Variants in TNIK observed in about 807,000 individuals in gnomAD.
The protein encoded by TNIK is TRAF2 and NCK interacting kinase.
Under a neutral mutation model 191.3 loss-of-function variants are expected in TNIK, and 49 were observed. The observed-to-expected ratio is 0.26, with a 90% confidence interval of 0.20 to 0.32. The LOEUF (loss-of-function observed/expected upper bound fraction) is 0.32, where lower values mean the gene tolerates loss of function less well. Among genes scored for constraint, TNIK ranks in the 10% least tolerant of loss-of-function variants. The probability of loss-of-function intolerance (pLI) is 1.00; values close to 1 mark genes in which losing one functional copy is unlikely to be tolerated. For missense variants in TNIK, 1,155 were observed against 1,702.3 expected, an observed-to-expected ratio of 0.68 and a Z score of 5.66; for synonymous variants, 594 against 600.9, an observed-to-expected ratio of 0.99 and a Z score of 0.17.
At chr3:171,330,850 G>C (rs901269680) in intron 2 of TNIK, among the ~76,000 whole-genome samples, 1 of 151,990 alleles carries the variant, frequency 6.6e-6, no homozygotes, top group African/African-American at 2.4e-5. Context: ...CTACGACCCC[G>C]AATTAAAACA....
At chr3:171,323,321 G>T (rs114975782) in intron 2 of TNIK, among the ~76,000 whole-genome samples, 7 of 152,266 alleles carry the variant, frequency 4.6e-5, no homozygotes, top group Admixed American at 2.6e-4. Context: ...AGTAGAAAAT[G>T]GTCCCTTCAC....
At chr3:171,275,533 T>C (rs188318298) in intron 2 of TNIK, among the ~76,000 whole-genome samples, 46 of 152,254 alleles carry the variant, frequency 3.0e-4, no homozygotes, top group African/African-American at 1.0e-3. Context: ...TAAAATTAAA[T>C]AGAAGGATGA....
intron 4 of TNIK, among the ~76,000 whole-genome samples, chr3:171,199,429 C>T (rs1022314291): frequency 6.6e-6 from 1 of 152,188 alleles, no homozygotes; most frequent in Admixed American, 6.5e-5. Flanking sequence ...AAAATTCTCC[C>T]TGAAAGAAAG....
At chr3:171,118,467 G>GCTCA in intron 18 of TNIK, among the ~76,000 whole-genome samples, 1 of 152,256 alleles carries the variant, frequency 6.6e-6, no homozygotes, top group African/African-American at 2.4e-5. Flanking sequence ...CCAAAAAAGA[G>GCTCA]CTCACATTGC....
chr3:171,333,277 C>T (rs1057309775), intron 2 of TNIK, among the ~76,000 whole-genome samples: 29 of 151,894 alleles, frequency 1.9e-4, no homozygotes, highest in African/African-American at 5.8e-4. Context: ...GACAACAGGC[C>T]GGGCGCAGTG....
intron 1 of TNIK, among the ~76,000 whole-genome samples, chr3:171,458,927 C>A (rs1415163965): frequency 6.6e-6 from 1 of 152,210 alleles, no homozygotes; most frequent in African/African-American, 2.4e-5. Context: ...CCCCACCCCT[C>A]ACCCCCTTCC....
chr3:171,114,162 G>A (rs1330468664), intron 18 of TNIK, among the ~76,000 whole-genome samples: 2 of 152,060 alleles, frequency 1.3e-5, no homozygotes, highest in Non-Finnish European at 2.9e-5. Context: ...CAAATCTATC[G>A]CCTTCCAGAT....
At chr3:171,083,339 A>G (rs774155037) in intron 26 of TNIK, among the ~76,000 whole-genome samples, 12 of 152,160 alleles carry the variant, frequency 7.9e-5, no homozygotes, top group Non-Finnish European at 1.8e-4. Context: ...CAGAGCCTCT[A>G]TCATGAAATG....
intron 12 of TNIK, among the ~76,000 whole-genome samples, chr3:171,153,015 C>G (rs978833792): frequency 6.6e-6 from 1 of 152,140 alleles, no homozygotes; most frequent in Non-Finnish European, 1.5e-5. Context: ...TCGTGATCCA[C>G]CTGCCTCGGC....
At position 171,079,374 on chromosome 3, in the gene TNIK, T is replaced by G. The variant is rs562350128; in HGVS notation, c.3448+144A>C. ...TCATCAATCTGGCTTTTAAAAAATA[T>G]AAATAATGCTGAAGGTTCCAGCAAC... On this transcript the variant is annotated intron_variant, in intron 28 of 32. Coordinates refer to ENST00000436636, the MANE Select transcript of TNIK (RefSeq NM_015028.4). The G allele has an allele frequency of 1.4e-5, 13 of 962,562 alleles. No homozygotes were observed. In the East Asian group the frequency reaches 3.7e-4, roughly 27 times the overall value. 59.6% of individuals were successfully genotyped at this position (962,562 alleles called of 1,614,324 possible).
chr3:171,323,012 A>C (rs752961471), intron 2 of TNIK, among the ~76,000 whole-genome samples: 5 of 152,012 alleles, frequency 3.3e-5, no homozygotes, highest in African/African-American at 1.2e-4. Context: ...AAGTTGTATG[A>C]AATTTACATT....
intron 1 of TNIK, among the ~76,000 whole-genome samples, chr3:171,452,074 T>A (rs1728233533): frequency 1.3e-5 from 2 of 152,236 alleles, no homozygotes; most frequent in South Asian, 4.1e-4. Flanking sequence ...AATCTAGGGT[T>A]ACTTCAGAGT....
At chr3:171,140,332 A>AC (rs1730634840) in intron 13 of TNIK, 67 bp downstream of exon 13, 1 of 1,321,744 alleles carries the variant, frequency 7.6e-7, no homozygotes, top group Admixed American at 2.4e-5. Context: ...GGTGACCCAC[A>AC]CCCCAGAGAA....
intron 3 of TNIK, among the ~76,000 whole-genome samples, chr3:171,224,864 G>C (rs1742781862): frequency 6.6e-6 from 1 of 152,134 alleles, no homozygotes; most frequent in Non-Finnish European, 1.5e-5. Flanking sequence ...CTGAGTTTAA[G>C]CACAAATTCT....
In TNIK at chr3:171,061,444, TATG is replaced by T. The variant is rs1240131412; in HGVS notation, c.*2434_*2436del. ...CAAGACTGCATTAATATTGTTTTCT[TATG>T]ATTTGTTTCAATGACTCTAGATTTT... On this transcript the variant is annotated 3_prime_UTR_variant, in exon 33 of 33. Transcript: ENST00000436636. 4 of 152,248 alleles carry T rather than the reference TATG, an allele frequency of 2.6e-5. No homozygotes were observed. The highest frequency in any genetic ancestry group is 9.6e-5 in the African/African-American group (4 of 41,472). 9.4% of individuals were successfully genotyped at this position (152,248 alleles called of 1,614,324 possible).
At chr3:171,187,701 ACT>A (rs1737531569) in intron 7 of TNIK, among the ~76,000 whole-genome samples, 1 of 152,152 alleles carries the variant, frequency 6.6e-6, no homozygotes, top group South Asian at 2.1e-4. Context: ...TCAAGTGCTA[ACT>A]CTGAGAGGAT....
At chr3:171,357,043 A>G (rs1462338736) in intron 2 of TNIK, among the ~76,000 whole-genome samples, 2 of 152,166 alleles carry the variant, frequency 1.3e-5, no homozygotes, top group African/African-American at 4.8e-5. Context: ...GCTTAGCCAC[A>G]AAAACAGCCT....
intron 1 of TNIK, among the ~76,000 whole-genome samples, chr3:171,376,587 G>A (rs1313665244): frequency 6.6e-6 from 1 of 152,060 alleles, no homozygotes; most frequent in African/African-American, 2.4e-5. Context: ...ATAACGACAA[G>A]CAGCATATGA....
At chr3:171,136,210 G>A (rs1292755988) in intron 15 of TNIK, among the ~76,000 whole-genome samples, 1 of 152,154 alleles carries the variant, frequency 6.6e-6, no homozygotes, top group Non-Finnish European at 1.5e-5. Context: ...CTTGGGGCTG[G>A]GAACACTGAA....
Sources: allele counts gnomAD v4.1 joint callset (sites outside exome capture counted in the v4.1 genomes callset), GRCh38; gene constraint gnomAD v4.1.1; transcripts MANE v1.5; gene names NCBI Gene and HGNC (gene_info 2026-07-23, HGNC 2026-07-21).